TOX2: variants seen among roughly 807,000 people sequenced by gnomAD.
TOX2 encodes granulosa cell HMG box 1.
A neutral mutation model predicts 47.4 loss-of-function variants in TOX2; 15 were observed. The ratio of observed to expected loss-of-function variants is 0.32; its 90% CI spans 0.21 to 0.49. The LOEUF is 0.49. TOX2 is among the 20% of genes least tolerant of loss of function. TOX2 has a pLI of 0.99. For synonymous variants in TOX2, 290 were observed against 296.6 expected (o/e 0.98, Z 0.23); for missense variants, 622 against 673.1 (o/e 0.92, Z 0.84).
At chr20:44,051,262 G>T in intron 3 of TOX2, 44 bp from the exon 4 acceptor site, 1 of 1,558,100 alleles carries the variant, frequency 6.4e-7, no homozygotes. Flanking sequence ...TGGAGTGGCA[G>T]GACAGATCCT....
intron 1 of TOX2, among the ~76,000 whole-genome samples, chr20:43,954,940 A>T (rs1302351689): frequency 6.6e-6 from 1 of 151,910 alleles, no homozygotes. Context: ...CTAGCACGTG[A>T]CTCCTGGTGC....
At chr20:43,994,645 C>G (rs2070437826) in intron 2 of TOX2, among the ~76,000 whole-genome samples, 1 of 152,106 alleles carries the variant, frequency 6.6e-6, no homozygotes, top group Non-Finnish European at 1.5e-5. Context: ...AAAGGACCCC[C>G]AAACCCACCC....
At chr20:44,001,156 A>G (rs957960226) in intron 2 of TOX2, among the ~76,000 whole-genome samples, 2 of 152,224 alleles carry the variant, frequency 1.3e-5, no homozygotes, top group African/African-American at 4.8e-5. Context: ...TGCCAGTGGT[A>G]GAGAGAAAAT....
At chr20:44,004,795 A>G (rs918837929) in intron 2 of TOX2, among the ~76,000 whole-genome samples, 1 of 152,202 alleles carries the variant, frequency 6.6e-6, no homozygotes, top group African/African-American at 2.4e-5. Flanking sequence ...ACACGCACTT[A>G]AACAATACAA....
intron 5 of TOX2, among the ~76,000 whole-genome samples, chr20:44,056,524 C>G (rs749730712): frequency 4.6e-5 from 7 of 152,298 alleles, no homozygotes; most frequent in South Asian, 2.1e-4. Flanking sequence ...TCTCTGACCT[C>G]ATTCAGCGCA....
At position 44,069,350 on chromosome 20, in the gene TOX2, C is replaced by T. The variant is rs139373725; in HGVS notation, c.*664C>T. On this transcript the variant is annotated 3_prime_UTR_variant, in exon 9 of 9. Coordinates refer to ENST00000341197, the MANE Select transcript of TOX2 (RefSeq NM_001098797.2). ...CGTCATCCTCACAGCAAGGACCGGA[C>T]GCTTGCTAGCCACCCCGGAGCACTG... The T allele has an allele frequency of 3.6e-5, 6 of 167,768 alleles. No individual in the cohort carries two copies. Among genetic ancestry groups the T allele is most frequent in the East Asian group, 1.7e-4 (1 of 5,816 alleles). The allele number at this position is 167,768 out of a possible 1,614,324, so 10.4% of individuals were successfully genotyped here.
Position 43,916,254 on chromosome 20 carries a change from C to T in TOX2, c.99+1264C>T. 1 of 982,554 alleles carries T rather than the reference C, an allele frequency of 1.0e-6. No homozygotes were observed. The highest frequency in any genetic ancestry group is 1.2e-6 in the Non-Finnish European group (1 of 827,296). The allele number at this position is 982,554 out of a possible 1,614,324, so 60.9% of individuals were successfully genotyped here. ...TGGATCGGCGCCCCCCAGGGTCTCT[C>T]CCCAACCTCGCAGGCTTTTCGTCAG... On this transcript the variant is annotated intron_variant, in intron 1 of 8. Transcript: ENST00000341197. This position sits in a 1 kb window ranked among gnomAD's most constrained non-coding sequence, Gnocchi z 5.0.
chr20:44,028,441 C>G lies in TOX2; in HGVS notation c.411+21649C>G, dbSNP rs556541649. 2.6e-5 allele frequency among the ~76,000 whole-genome samples: 4 copies of G among 152,352 alleles called. No homozygotes were observed. In the South Asian group the frequency reaches 8.3e-4, roughly 32 times the overall value. On this transcript the variant is annotated intron_variant, in intron 3 of 8. Transcript: ENST00000341197. ...CTTTTCTGCTCCCAAACCCTCGCTG[C>G]AGCGCTTAGAGCTGCAAACCTTGAG...
rs185315837 is a variant in TOX2 at position 44,063,812 on chromosome 20, T to C, written c.880-965T>C. ...TACACACACACACACACAAACACCA[T>C]GAAATACTACTCAGCCATAAAAAGG... is the stretch of plus-strand genomic sequence containing the variant. On this transcript the variant is annotated intron_variant, in intron 5 of 8. Coordinates refer to ENST00000341197, the MANE Select transcript of TOX2 (RefSeq NM_001098797.2). 3.4e-5 allele frequency among the ~76,000 whole-genome samples: 5 copies of C among 146,064 alleles called. No individual in the cohort carries two copies. The East Asian group carries it at 8.2e-4, about 24-fold the overall frequency.
At chr20:43,933,699 GT>G (rs2145327138) in intron 1 of TOX2, among the ~76,000 whole-genome samples, 1 of 152,306 alleles carries the variant, frequency 6.6e-6, no homozygotes, top group South Asian at 2.1e-4. Context: ...CCACATGTCA[GT>G]TAGTCATTGG....
chr20:43,949,198 G>T (rs527533369), intron 1 of TOX2, among the ~76,000 whole-genome samples: 1 of 152,210 alleles, frequency 6.6e-6, no homozygotes, highest in Non-Finnish European at 1.5e-5. Flanking sequence ...ACAAATGTGG[G>T]ATCATCTTTG....
chr20:43,967,790 TTTTA>T (rs966669282), intron 1 of TOX2, among the ~76,000 whole-genome samples: 35 of 152,056 alleles, frequency 2.3e-4, no homozygotes, highest in African/African-American at 8.4e-4. Flanking sequence ...TGATGATATA[TTTTA>T]TTTATCTGTT....
chr20:44,014,128 C>CAAAAAAAA (rs55721806), intron 3 of TOX2, among the ~76,000 whole-genome samples: 2 of 53,574 alleles, frequency 3.7e-5, no homozygotes, highest in Non-Finnish European at 6.4e-5. Flanking sequence ...GAGACTATCT[C>CAAAAAAAA]AAAAAAAAAA....
chr20:43,939,968 C>T (rs1463247691), intron 1 of TOX2, among the ~76,000 whole-genome samples: 1 of 152,084 alleles, frequency 6.6e-6, no homozygotes, highest in Non-Finnish European at 1.5e-5. Context: ...GAGTCATGCC[C>T]TGTATGAGAC....
chr20:44,062,915 G>T (rs2071745737), intron 5 of TOX2, among the ~76,000 whole-genome samples: 1 of 152,290 alleles, frequency 6.6e-6, no homozygotes, highest in South Asian at 2.1e-4. Context: ...AACAAATGGT[G>T]CTTGGATAAT....
Position 44,060,844 on chromosome 20 carries a change from C to G in TOX2, c.880-3933C>G, listed in dbSNP as rs55760282. The stretch of plus-strand genomic sequence containing the variant: ...AAATAGACAATGTAAGGTCACGCCT[C>G]AAGGAACTAAAGAGAGAGAACACAC... On this transcript the variant is annotated intron_variant, in intron 5 of 8. Coordinates refer to ENST00000341197, the MANE Select transcript of TOX2 (RefSeq NM_001098797.2). Among the ~76,000 whole-genome samples the G allele has an allele frequency of 1.4e-3, 215 of 152,010 alleles. 1 individual carries two copies. Among genetic ancestry groups the G allele is most frequent in the Non-Finnish European group, 1.8e-3 (124 of 67,922 alleles).
intron 1 of TOX2, among the ~76,000 whole-genome samples, chr20:43,928,982 A>G (rs1198839963): frequency 1.3e-5 from 1 of 78,496 alleles, no homozygotes; most frequent in Non-Finnish European, 2.3e-5. Flanking sequence ...TAAAAATATG[A>G]AAAAAAAAAA....
intron 1 of TOX2, among the ~76,000 whole-genome samples, chr20:43,950,723 TC>T (rs1257202715): frequency 2.0e-5 from 3 of 151,964 alleles, no homozygotes; most frequent in Middle Eastern, 3.2e-3. Flanking sequence ...ATCTCGACAT[TC>T]CCAATACCCC....
rs762084312 is a variant in TOX2, at chr20:43,987,912, CTTTTTTTTTTT to C, written c.165+14495_165+14505del. Among the ~76,000 whole-genome samples, 99 of 70,034 alleles carry C rather than the reference CTTTTTTTTTTT, an allele frequency of 1.4e-3. No individual in the cohort carries two copies. In the South Asian group the frequency reaches 0.026, roughly 18 times the overall value. 45.9% of individuals were successfully genotyped at this position (70,034 alleles called of 152,430 possible). On this transcript the variant is annotated intron_variant, in intron 2 of 8. Coordinates refer to ENST00000341197, the MANE Select transcript of TOX2 (RefSeq NM_001098797.2). ...TAGGAAATGTTTGAAATATCAACAT[CTTTTTTTTTTT>C]TTTTTTTTTTTTTTGGAGACAGTGT...
Sources: allele counts gnomAD v4.1 joint callset (sites outside exome capture counted in the v4.1 genomes callset), GRCh38; gene constraint gnomAD v4.1.1; non-coding constraint Gnocchi (gnomAD v3.1); transcripts MANE v1.5; gene names NCBI Gene and HGNC (gene_info 2026-07-23, HGNC 2026-07-21).